Variants in PIEZO2 observed in about 807,000 individuals in gnomAD.
PIEZO2 encodes piezo type mechanosensitive ion channel component 2, also known as piezo-type mechanosensitive ion channel component 2.
Under a neutral mutation model 337.3 loss-of-function variants are expected in PIEZO2, and 172 were observed. The observed-to-expected ratio is 0.51, with a 90% CI of 0.45 to 0.58. The LOEUF (loss-of-function observed/expected upper bound fraction) is 0.58. Ranked by LOEUF, PIEZO2 falls within the 20% of genes least tolerant of loss-of-function variation. The pLI is 0.00. For missense variants in PIEZO2, 3,028 were observed against 3,391.3 expected, an observed-to-expected ratio of 0.89 and a Z score of 2.66; for synonymous variants, 1,251 against 1,228.5, an observed-to-expected ratio of 1.02 and a Z score of -0.38.
intron 33 of PIEZO2, chr18:10,738,617 C>A (rs2037101932): frequency 6.6e-6 from 1 of 152,198 alleles, no homozygotes; most frequent in African/African-American, 2.4e-5. Flanking sequence ...TGTTTGTTAG[C>A]TCAGATGGCG....
Position 10,685,332 on chromosome 18 carries a change from A to T in PIEZO2, c.7498-3040T>A, listed in dbSNP as rs115843551. 9.1e-3 allele frequency among the ~76,000 whole-genome samples: 1,386 copies of T among 152,220 alleles called. 25 individuals carry two copies. Among genetic ancestry groups the T allele is most frequent in the African/African-American group, 0.031 (1,294 of 41,510 alleles). ...CCCAATATCACCTCCCACTTACCTA[A>T]ATGTCTCAGGAAGTTTTGCCATGGA... On this transcript the variant is annotated intron_variant, in intron 49 of 55. Coordinates refer to ENST00000674853, the MANE Select transcript of PIEZO2 (RefSeq NM_001378183.1).
rs372992938 is a variant in PIEZO2, at chr18:10,749,673, C to T, written c.4264+418G>A. Among the ~76,000 whole-genome samples the T allele has an allele frequency of 3.3e-5, 5 of 152,222 alleles. No homozygotes were observed. In the South Asian group the frequency reaches 1.0e-3, roughly 32 times the overall value. ...CCTCATGCTCCTCCCTACTGTTTCC[C>T]TAGGCTTGAAGCTCTCTGAGCTTCC... On this transcript the variant is annotated intron_variant, in intron 29 of 55. Coordinates refer to ENST00000674853, the MANE Select transcript of PIEZO2 (RefSeq NM_001378183.1).
chr18:11,043,724 T>C (rs1446864692), intron 2 of PIEZO2, among the ~76,000 whole-genome samples: 1 of 152,136 alleles, frequency 6.6e-6, no homozygotes, highest in Non-Finnish European at 1.5e-5. Context: ...AGACCGAGTC[T>C]TGCTCTGTTG....
At chr18:10,829,931 G>GAA (rs59199219) in intron 7 of PIEZO2, among the ~76,000 whole-genome samples, 3,991 of 136,654 alleles carry the variant, frequency 0.029, 118 homozygotes, top group African/African-American at 0.083. Context: ...CACAGAAGTA[G>GAA]AAAAAAAAAA....
intron 3 of PIEZO2, among the ~76,000 whole-genome samples, chr18:10,972,300 A>G (rs2034275054): frequency 6.6e-6 from 1 of 152,118 alleles, no homozygotes; most frequent in Non-Finnish European, 1.5e-5. Context: ...AAAGTTCTAC[A>G]ATGTAGGAAA....
At chr18:10,701,755 T>C (rs2035342135) in intron 43 of PIEZO2, 4 of 378,870 alleles carry the variant, frequency 1.1e-5, no homozygotes. Flanking sequence ...CCCAGATTTA[T>C]TGTAAGTTCC....
chr18:10,674,580 C>A (rs889763694), intron 54 of PIEZO2, among the ~76,000 whole-genome samples: 1 of 152,240 alleles, frequency 6.6e-6, no homozygotes, highest in Non-Finnish European at 1.5e-5. Flanking sequence ...CAGGCTCCAG[C>A]GCCTGGCCTA....
chr18:11,006,826 G>A (rs554581445), intron 2 of PIEZO2, among the ~76,000 whole-genome samples: 1 of 151,904 alleles, frequency 6.6e-6, no homozygotes, highest in South Asian at 2.1e-4. Context: ...TTATTCCCTA[G>A]TAGTCTAAAA....
chr18:10,742,355 G>A, intron 32 of PIEZO2, 139 bp downstream of exon 32: 1 of 972,472 alleles, frequency 1.0e-6, no homozygotes, highest in Non-Finnish European at 1.5e-6. Context: ...TTCACAATGG[G>A]AAAATAAAGC....
At chr18:10,719,752 T>A (rs1004367571) in intron 36 of PIEZO2, among the ~76,000 whole-genome samples, 1 of 152,198 alleles carries the variant, frequency 6.6e-6, no homozygotes, top group Non-Finnish European at 1.5e-5. Context: ...TAGTTCTATG[T>A]TTAGTTCTTT....
chr18:10,784,221 A>G lies in PIEZO2; in HGVS notation c.2492+563T>C, dbSNP rs554946642. Among the ~76,000 whole-genome samples the G allele has an allele frequency of 1.3e-5, 2 of 152,368 alleles. No individual in the cohort carries two copies. Among genetic ancestry groups the G allele is most frequent in the East Asian group, 3.9e-4 (2 of 5,192 alleles). On this transcript the variant is annotated intron_variant, in intron 17 of 55. Transcript: ENST00000674853. The surrounding 1 kb of genome is among the most constrained non-coding windows in gnomAD (Gnocchi z 4.5). ...CCCATCTGTTATTTGCAAACAATGT[A>G]TATTTATTGATGAGGATAAAACAGC...
Position 10,904,044 on chromosome 18 carries a change from C to T in PIEZO2, c.329+7142G>A, listed in dbSNP as rs189208941. On this transcript the variant is annotated intron_variant, in intron 4 of 55. Coordinates refer to ENST00000674853, the MANE Select transcript of PIEZO2 (RefSeq NM_001378183.1). Reference sequence around the variant, plus strand: ...GATTGAACTAAATGGTAGCATGTAACTCATAAAAATACAAAATATAGGAGT... The same window carrying T: ...GATTGAACTAAATGGTAGCATGTAATTCATAAAAATACAAAATATAGGAGT... 2.0e-5 allele frequency among the ~76,000 whole-genome samples: 3 copies of T among 152,174 alleles called. No homozygotes were observed. In the East Asian group the frequency reaches 5.8e-4, roughly 29 times the overall value.
Position 10,725,453 on chromosome 18 carries a change from T to C in PIEZO2, c.5029+5954A>G, listed in dbSNP as rs542087727. 186 of 1,582,202 alleles carry C rather than the reference T, an allele frequency of 1.2e-4. No individual in the cohort carries two copies. The East Asian group carries it at 2.8e-3, about 24-fold the overall frequency. Reference sequence around the variant, plus strand: ...ACTGGTTGGAGGGCATGCTGTGGCATGAAATAGGTCAGGGTGTGGGTATCC... The same window carrying C: ...ACTGGTTGGAGGGCATGCTGTGGCACGAAATAGGTCAGGGTGTGGGTATCC... On this transcript the variant is annotated intron_variant, in intron 36 of 55. Transcript: ENST00000674853.
At chr18:10,858,229 G>A (rs1338941595) in intron 5 of PIEZO2, among the ~76,000 whole-genome samples, 1 of 148,878 alleles carries the variant, frequency 6.7e-6, no homozygotes, top group Non-Finnish European at 1.5e-5. Context: ...GCTAAGGCAG[G>A]AGAAAATTGC....
intron 4 of PIEZO2, among the ~76,000 whole-genome samples, chr18:10,897,320 G>T (rs566708165): frequency 6.6e-6 from 1 of 152,022 alleles, no homozygotes. Context: ...CCGAGTAGCT[G>T]GTATTACAGG....
chr18:10,697,650 G>T lies in PIEZO2; in HGVS notation c.6827+98C>A, dbSNP rs543369206. 3.8e-5 allele frequency: 55 copies of T among 1,458,662 alleles called. 3 individuals carry two copies. In the South Asian group the frequency reaches 7.4e-4, roughly 20 times the overall value. The allele number at this position is 1,458,662 out of a possible 1,614,324, so 90.4% of individuals were successfully genotyped here. On this transcript the variant is annotated intron_variant, in intron 45 of 55. Coordinates refer to ENST00000674853, the MANE Select transcript of PIEZO2 (RefSeq NM_001378183.1). ...CTTACGCAGATAACATTTGTGACAC[G>T]AGAAGTTACTTCTCTGCTCTGCTCC...
At chr18:11,060,433 C>T (rs1188598083) in intron 2 of PIEZO2, among the ~76,000 whole-genome samples, 3 of 151,716 alleles carry the variant, frequency 2.0e-5, no homozygotes, top group African/African-American at 7.3e-5. Context: ...GAGATAGAGA[C>T]CAAAAAACCC....
intron 28 of PIEZO2, among the ~76,000 whole-genome samples, chr18:10,751,788 A>C (rs917459919): frequency 1.3e-5 from 2 of 152,226 alleles, no homozygotes; most frequent in Non-Finnish European, 2.9e-5. Context: ...CCAGAGAGCT[A>C]TTAACTCCTT....
rs2040348841 is a variant in PIEZO2 at position 10,815,877 on chromosome 18, T to C, written c.918-8603A>G. ...CATGAGGTGGAGGCCTAGGTGATGC[T>C]TGGTCCTCTCTTACAGTTCAGTTAT... is the stretch of plus-strand genomic sequence containing the variant. On this transcript the variant is annotated intron_variant, in intron 7 of 55. Transcript: ENST00000674853. The surrounding 1 kb of genome is among the most constrained non-coding windows in gnomAD (Gnocchi z 4.1). Among the ~76,000 whole-genome samples, 1 of 152,216 alleles carries C rather than the reference T, an allele frequency of 6.6e-6. No individual in the cohort carries two copies. Among genetic ancestry groups the C allele is most frequent in the African/African-American group, 2.4e-5 (1 of 41,450 alleles).
Sources: gnomAD v4.1 joint callset for allele counts (sites outside exome capture counted in the v4.1 genomes callset) on GRCh38, gnomAD v4.1.1 for gene constraint, Gnocchi (gnomAD v3.1) non-coding constraint, MANE v1.5 for transcripts, NCBI Gene and HGNC (gene_info 2026-07-23, HGNC 2026-07-21) for gene names.